The following LEMD2 variants were observed in gnomAD, a reference collection of about 807,000 sequenced individuals.
LEMD2 encodes LEM domain nuclear envelope protein 2.
A neutral mutation model predicts 58.8 loss-of-function variants in LEMD2; 34 were observed. The ratio of observed to expected loss-of-function variants is 0.58; its 90% CI spans 0.44 to 0.77. The LOEUF (loss-of-function observed/expected upper bound fraction) is 0.77, where lower values mean the gene tolerates loss of function less well. LEMD2 is among the 30% of genes least tolerant of loss of function. The pLI is 0.00. For missense variants in LEMD2, 629 were observed against 717.9 expected (o/e 0.88, Z 1.42); for synonymous variants, 298 against 308.9 (o/e 0.96, Z 0.37).
At chr6:33,774,332 C>T (rs1297548926) in intron 8 of LEMD2, among the ~76,000 whole-genome samples, 3 of 151,816 alleles carry the variant, frequency 2.0e-5, no homozygotes, top group Middle Eastern at 3.4e-3. Flanking sequence ...CCACCATGCC[C>T]GGCTAATTTT....
rs961002240 is a variant in LEMD2, at chr6:33,771,687, C to G, written c.*941G>C. The G allele has an allele frequency of 2.0e-5, 3 of 152,234 alleles. No individual in the cohort carries two copies. Among genetic ancestry groups the G allele is most frequent in the Non-Finnish European group, 4.4e-5 (3 of 68,040 alleles). The allele number at this position is 152,234 out of a possible 1,614,324, so 9.4% of individuals were successfully genotyped here. ...CTCCCTTGTGGCCGGCAGGGGGCAG[C>G]CTGCAGCCACTGCGCCTCTCCCGCC... On this transcript the variant is annotated 3_prime_UTR_variant, in exon 9 of 9. Transcript: ENST00000293760.
In LEMD2 at chr6:33,780,113, C is replaced by T. The variant is rs1767530529; in HGVS notation, c.997G>A (p.Asp333Asn). ...ALTWILSSNK[D>N]VGIWLKGEDQ... ...GCCCACACTCACCAGATGCCCACGT[C>T]CTTGTTACTGCTCAGTATCCAGGTC... The change falls in exon 5 of 9, where the codon GAC becomes AAC. Residue 333 changes from aspartate to asparagine, a missense_variant. Physicochemically the swap from Asp to Asn is conservative, Grantham distance 23. Around this residue, in one of 2 missense-constraint regions of LEMD2, gnomAD observed 243 missense variants for 336.8 expected, o/e 0.72. Transcript: ENST00000293760. The T allele has an allele frequency of 1.3e-6, 2 of 1,591,772 alleles. No individual in the cohort carries two copies. Among genetic ancestry groups the T allele is most frequent in the Non-Finnish European group, 1.7e-6 (2 of 1,167,874 alleles).
At chr6:33,788,330 G>A (rs747182420) in intron 1 of LEMD2, 51 bp downstream of exon 1, 2 of 1,494,638 alleles carry the variant, frequency 1.3e-6, no homozygotes, top group South Asian at 2.4e-5. Flanking sequence ...GGGGTCCTCC[G>A]GCGGACACAC....
intron 4 of LEMD2, 194 bp from the exon 5 acceptor site, chr6:33,780,373 G>A (rs1767538202): frequency 1.6e-6 from 1 of 609,542 alleles, no homozygotes. Flanking sequence ...ATAACCAGAG[G>A]AGGTGATGCG....
rs904514290 is a variant in LEMD2 at position 33,788,600 on chromosome 6, G to A, written c.517C>T (p.Pro173Ser). 2 of 1,281,492 alleles carry A rather than the reference G, an allele frequency of 1.6e-6. No individual in the cohort carries two copies. The highest frequency in any genetic ancestry group is 2.0e-6 in the Non-Finnish European group (2 of 1,017,858). 79.4% of individuals were successfully genotyped at this position (1,281,492 alleles called of 1,614,324 possible). ...WAASPAPARLPSSLLGPDPRP... is the reference protein window; with the variant it reads ...WAASPAPARLSSSLLGPDPRP... Reference sequence around the variant, plus strand: ...GGGTCGGGACCGAGGAGGGAGGAAGGCAGCCGCGCCGGGGCGGGAGACGCT... The same window carrying A: ...GGGTCGGGACCGAGGAGGGAGGAAGACAGCCGCGCCGGGGCGGGAGACGCT... Residue 173 changes from proline (P) to serine (S), a missense_variant, in exon 1 of 9, where the codon CCT becomes TCT. Pro to Ser is a moderately conservative substitution (Grantham distance 74). Coordinates refer to ENST00000293760, the MANE Select transcript of LEMD2 (RefSeq NM_181336.4).
At position 33,778,199 on chromosome 6, in the gene LEMD2, G is replaced by A. The variant is rs983113739; in HGVS notation, c.1156+43C>T. Reference sequence around the variant, plus strand: ...GCTCATCATTCATGCCTAGGAGTATGCTTGACTGCACAGAAGGGGAGGGAA... The same window carrying A: ...GCTCATCATTCATGCCTAGGAGTATACTTGACTGCACAGAAGGGGAGGGAA... On this transcript the variant is annotated intron_variant, in intron 6 of 8. Coordinates refer to ENST00000293760, the MANE Select transcript of LEMD2 (RefSeq NM_181336.4). The surrounding 1 kb of genome is among the most constrained non-coding windows in gnomAD (Gnocchi z 4.7). The A allele has an allele frequency of 6.5e-7, 1 of 1,530,300 alleles. No individual in the cohort carries two copies. Among genetic ancestry groups the A allele is most frequent in the African/African-American group, 1.4e-5 (1 of 72,526 alleles). The allele number at this position is 1,530,300 out of a possible 1,614,324, so 94.8% of individuals were successfully genotyped here. A position where few individuals can be genotyped will look rare whatever the true frequency, so the allele number is the denominator to read the frequency against.
chr6:33,786,912 A>T, intron 1 of LEMD2, 138 bp from the exon 2 acceptor site: 1 of 1,468,496 alleles, frequency 6.8e-7, no homozygotes, highest in Non-Finnish European at 9.0e-7. Context: ...TCATCTAAGG[A>T]AGGCACTTTT....
In LEMD2 at chr6:33,771,618, T is replaced by C. The variant is rs572988900; in HGVS notation, c.*1010A>G. ...GGAGCCTGCCTCCCAGGGAGCAGGC[T>C]GAGGAGCTGGCGGGAGGGCCGGTGG... On this transcript the variant is annotated 3_prime_UTR_variant, in exon 9 of 9. Transcript: ENST00000293760. 6.6e-6 allele frequency: 1 copy of C among 152,294 alleles called. No individual in the cohort carries two copies. The highest frequency in any genetic ancestry group is 2.1e-4 in the South Asian group (1 of 4,828). 9.4% of individuals were successfully genotyped at this position (152,294 alleles called of 1,614,324 possible).
intron 3 of LEMD2, among the ~76,000 whole-genome samples, chr6:33,783,504 G>C (rs756506709): frequency 3.5e-4 from 53 of 152,322 alleles, no homozygotes; most frequent in Non-Finnish European, 5.4e-4. Flanking sequence ...TATCCCTTAA[G>C]ATAGAACTGC....
At chr6:33,788,246 G>A in intron 1 of LEMD2, 135 bp downstream of exon 1, 9 of 925,628 alleles carry the variant, frequency 9.7e-6, no homozygotes, top group Non-Finnish European at 1.2e-5. Context: ...GAAGAAGGCA[G>A]GCCTGGAAAT....
Position 33,772,209 on chromosome 6 carries a change from A to G in LEMD2, c.*419T>C. 6.1e-6 allele frequency: 1 copy of G among 164,784 alleles called. No individual in the cohort carries two copies. The highest frequency in any genetic ancestry group is 1.3e-5 in the Non-Finnish European group (1 of 76,164). 10.2% of individuals were successfully genotyped at this position (164,784 alleles called of 1,614,324 possible). On this transcript the variant is annotated 3_prime_UTR_variant, in exon 9 of 9. Coordinates refer to ENST00000293760, the MANE Select transcript of LEMD2 (RefSeq NM_181336.4). ...GTAACAACCCCCTGAAGGCACATGG[A>G]CCAAGCTGCTCCCCATCCCGCCACC...
chr6:33,777,463 G>A (rs752878362), intron 6 of LEMD2, among the ~76,000 whole-genome samples: 53 of 152,256 alleles, frequency 3.5e-4, no homozygotes, highest in Non-Finnish European at 6.8e-4. Flanking sequence ...TGTCACCACA[G>A]CGGCATCCCC....
intron 8 of LEMD2, among the ~76,000 whole-genome samples, chr6:33,775,413 G>A (rs1767406987): frequency 6.6e-6 from 1 of 152,140 alleles, no homozygotes. Flanking sequence ...GACCTCCTGG[G>A]CTCGAGTGAT....
chr6:33,788,313 G>C, intron 1 of LEMD2, 68 bp downstream of exon 1: 1 of 1,431,208 alleles, frequency 7.0e-7, no homozygotes, highest in Non-Finnish European at 9.3e-7. Flanking sequence ...GGCGCCGACA[G>C]GAACGGGGGG....
rs747773913 is a variant in LEMD2 at position 33,781,117 on chromosome 6, C to T, written c.890G>A (p.Ser297Asn). 1.1e-5 allele frequency: 18 copies of T among 1,613,150 alleles called. No homozygotes were observed. Among genetic ancestry groups the T allele is most frequent in the Non-Finnish European group, 1.3e-5 (15 of 1,179,380 alleles). The stretch of plus-strand genomic sequence containing the variant: ...GGCTTCCATAACAGGAATGCATTTG[C>T]TTTTTAGATTCTCTGGATTTCCACA... ...FECGNPENLK[S>N]KCIPVMEAQE... The change falls in exon 4 of 9, where the codon AGC becomes AAC. Residue 297 changes from serine (S) to asparagine (N), a missense_variant. This residue lies in a region of LEMD2 where 243 missense variants were observed against 336.8 expected (regional missense o/e 0.72). Coordinates refer to ENST00000293760, the MANE Select transcript of LEMD2 (RefSeq NM_181336.4).
At chr6:33,786,892 T>C in intron 1 of LEMD2, 118 bp from the exon 2 acceptor site, 1 of 1,509,424 alleles carries the variant, frequency 6.6e-7, no homozygotes, top group Non-Finnish European at 8.9e-7. Context: ...GGGTGGGGAT[T>C]AGAAAGATGT....
intron 2 of LEMD2, among the ~76,000 whole-genome samples, 171 bp downstream of exon 2, chr6:33,786,563 C>T (rs1376656230): frequency 6.6e-6 from 1 of 152,204 alleles, no homozygotes; most frequent in African/African-American, 2.4e-5. Context: ...AGTATTCCTT[C>T]ACTGCCACAA....
At position 33,778,471 on chromosome 6, in the gene LEMD2, A is replaced by T. The variant is rs918263744; in HGVS notation, c.1011-84T>A. On this transcript the variant is annotated intron_variant, in intron 5 of 8. Coordinates refer to ENST00000293760, the MANE Select transcript of LEMD2 (RefSeq NM_181336.4). The surrounding 1 kb of genome is among the most constrained non-coding windows in gnomAD (Gnocchi z 4.7). ...GCCCCACTTCAAACAGGAGGAAGCGAAGGAAAGTGGGGACGCAAGGCCTCT... is the reference window on the plus strand; with the variant it reads ...GCCCCACTTCAAACAGGAGGAAGCGTAGGAAAGTGGGGACGCAAGGCCTCT... The T allele has an allele frequency of 8.3e-7, 1 of 1,206,066 alleles. No homozygotes were observed. Among genetic ancestry groups the T allele is most frequent in the African/African-American group, 1.5e-5 (1 of 64,624 alleles). 74.7% of individuals were successfully genotyped at this position (1,206,066 alleles called of 1,614,324 possible). A position where few individuals can be genotyped will look rare whatever the true frequency, so the allele number is the denominator to read the frequency against.
Position 33,772,554 on chromosome 6 carries a change from C to A in LEMD2, c.*74G>T. 1 of 1,442,036 alleles carries A rather than the reference C, an allele frequency of 6.9e-7. No homozygotes were observed. The highest frequency in any genetic ancestry group is 9.5e-7 in the Non-Finnish European group (1 of 1,050,608). 89.3% of individuals were successfully genotyped at this position (1,442,036 alleles called of 1,614,324 possible). On this transcript the variant is annotated 3_prime_UTR_variant, in exon 9 of 9. Coordinates refer to ENST00000293760, the MANE Select transcript of LEMD2 (RefSeq NM_181336.4). ...CAAGTGTGAATTCAGCACCGCAGGC[C>A]TGGTGACCCTCCTGTGCCTCTGGAG...
Sources: allele counts gnomAD v4.1 joint callset (sites outside exome capture counted in the v4.1 genomes callset), GRCh38; gene constraint gnomAD v4.1.1; regional missense constraint gnomAD v4.1.1; non-coding constraint Gnocchi (gnomAD v3.1); transcripts MANE v1.5; gene names NCBI Gene and HGNC (gene_info 2026-07-23, HGNC 2026-07-21).